Variants in ESRRG observed in about 807,000 individuals in gnomAD.
ESRRG encodes the protein estrogen related receptor gamma.
A neutral mutation model predicts 44.0 loss-of-function variants in ESRRG; 13 were observed. That is an observed-to-expected ratio of 0.30 (90% CI 0.19 to 0.47). The LOEUF (loss-of-function observed/expected upper bound fraction) is 0.47, where lower values mean the gene tolerates loss of function less well. ESRRG is among the 20% of genes least tolerant of loss of function. The pLI is 1.00. For missense variants in ESRRG, 395 were observed against 580.6 expected, an observed-to-expected ratio of 0.68 and a Z score of 3.29; for synonymous variants, 215 against 214.6, an observed-to-expected ratio of 1.00 and a Z score of -0.02.
intron 2 of ESRRG, among the ~76,000 whole-genome samples, chr1:216,748,581 C>A (rs1275133037): frequency 6.6e-6 from 1 of 152,088 alleles, no homozygotes; most frequent in Non-Finnish European, 1.5e-5. Flanking sequence ...CACACAGAAA[C>A]CTCTTATTTC....
intron 1 of ESRRG, among the ~76,000 whole-genome samples, chr1:216,984,003 T>TA (rs2074441143): frequency 7.5e-6 from 1 of 133,342 alleles, no homozygotes; most frequent in African/African-American, 2.8e-5. Context: ...CAGATCTAAA[T>TA]ATAGGGTCAT....
At chr1:216,815,204 G>C (rs1206452766) in intron 2 of ESRRG, among the ~76,000 whole-genome samples, 2 of 152,224 alleles carry the variant, frequency 1.3e-5, no homozygotes, top group African/African-American at 2.4e-5. Flanking sequence ...GAAAATGAGA[G>C]CTTCACTGTG....
rs528962345 is a variant in ESRRG at position 216,778,167 on chromosome 1, T to C, written c.-13-100676A>G. ...AGATTTGTGTGCTGGGGGTGGGGTGTTATTAGAGAGTGCTCCTAAGAACTG... is the reference window on the plus strand; with the variant it reads ...AGATTTGTGTGCTGGGGGTGGGGTGCTATTAGAGAGTGCTCCTAAGAACTG... On this transcript the variant is annotated intron_variant, in intron 2 of 7. Transcript: ENST00000359162. Among the ~76,000 whole-genome samples, 4 of 152,050 alleles carry C rather than the reference T, an allele frequency of 2.6e-5. No individual in the cohort carries two copies. The South Asian group carries it at 8.3e-4, about 32-fold the overall frequency.
intron 2 of ESRRG, among the ~76,000 whole-genome samples, chr1:216,827,006 A>G (rs1486783506): frequency 6.6e-6 from 1 of 152,184 alleles, no homozygotes; most frequent in Non-Finnish European, 1.5e-5. Context: ...AGACATTGAT[A>G]CAGAAGCATT....
rs1277224788 is a variant in ESRRG, at chr1:216,618,204, G to C, written c.589+32769C>G. On this transcript the variant is annotated intron_variant, in intron 3 of 6. Coordinates refer to ENST00000408911, the MANE Select transcript of ESRRG (RefSeq NM_001438.4). The stretch of plus-strand genomic sequence containing the variant: ...AATATCAAAATCACACATTGAATTT[G>C]AGAGTAAAATTACACTTGCCCTCAA... Among the ~76,000 whole-genome samples, 3 of 152,306 alleles carry C rather than the reference G, an allele frequency of 2.0e-5. No homozygotes were observed. The East Asian group carries it at 5.8e-4, about 29-fold the overall frequency.
At chr1:216,714,601 C>G (rs917921082) in intron 1 of ESRRG, 7 of 960,780 alleles carry the variant, frequency 7.3e-6, no homozygotes, top group Non-Finnish European at 8.7e-6. Flanking sequence ...CATTAAAACC[C>G]TCATAAATGC....
chr1:217,050,512 C>T (rs1011436468), intron 1 of ESRRG, among the ~76,000 whole-genome samples: 5 of 152,094 alleles, frequency 3.3e-5, no homozygotes, highest in Non-Finnish European at 7.4e-5. Flanking sequence ...AGAAGCCAAG[C>T]CTCTCCTCCT....
chr1:216,595,945 T>C (rs113914384), intron 3 of ESRRG, among the ~76,000 whole-genome samples: 1 of 152,222 alleles, frequency 6.6e-6, no homozygotes, highest in African/African-American at 2.4e-5. Context: ...TATTGCCATG[T>C]TTCATATGCA....
intron 5 of ESRRG, among the ~76,000 whole-genome samples, chr1:216,529,903 G>A (rs1339376695): frequency 2.0e-5 from 3 of 151,888 alleles, no homozygotes; most frequent in Non-Finnish European, 2.9e-5. Flanking sequence ...CTTGAGGTCA[G>A]GAGCTCGAGA....
chr1:216,795,577 G>C (rs1305784468), intron 2 of ESRRG, among the ~76,000 whole-genome samples: 2 of 151,796 alleles, frequency 1.3e-5, no homozygotes, highest in African/African-American at 4.8e-5. Flanking sequence ...CTGACCTCAA[G>C]TGATCCACCC....
intron 2 of ESRRG, among the ~76,000 whole-genome samples, chr1:216,786,686 C>A (rs768775885): frequency 2.6e-5 from 4 of 152,134 alleles, no homozygotes. Context: ...TATATTACAA[C>A]GAGTACATAT....
At chr1:216,689,244 T>C (rs1206730326) in intron 1 of ESRRG, among the ~76,000 whole-genome samples, 1 of 152,150 alleles carries the variant, frequency 6.6e-6, no homozygotes, top group East Asian at 1.9e-4. Flanking sequence ...CAGGCATCCA[T>C]TACAAAATGC....
At chr1:216,537,216 C>T (rs568284232) in intron 5 of ESRRG, among the ~76,000 whole-genome samples, 7 of 152,040 alleles carry the variant, frequency 4.6e-5, no homozygotes, top group South Asian at 4.2e-4. Context: ...ATGAAAGAGA[C>T]CAGAGAGCTC....
Position 216,677,113 on chromosome 1 carries a change from A to G in ESRRG, c.435T>C (p.Cys145=). ...ASGYHYGVAS[C]EACKAFFKRT... ...TCTTGAAGAATGCCTTGCAGGCTTCACATGATGCTACCCCATAGTGGTACC... is the reference window on the plus strand; with the variant it reads ...TCTTGAAGAATGCCTTGCAGGCTTCGCATGATGCTACCCCATAGTGGTACC... The change falls in exon 2 of 7, where the codon TGT becomes TGC. Residue 145 remains cysteine (C), a synonymous_variant. Coordinates refer to ENST00000408911, the MANE Select transcript of ESRRG (RefSeq NM_001438.4). 6.2e-7 allele frequency: 1 copy of G among 1,614,192 alleles called. No homozygotes were observed. Among genetic ancestry groups the G allele is most frequent in the Non-Finnish European group, 8.5e-7 (1 of 1,180,012 alleles).
chr1:216,584,201 T>C (rs1304679236), intron 3 of ESRRG, among the ~76,000 whole-genome samples: 2 of 152,158 alleles, frequency 1.3e-5, no homozygotes, highest in Non-Finnish European at 2.9e-5. Flanking sequence ...CTAAATTATC[T>C]TTTTTCTAAA....
At chr1:216,764,441 G>C (rs532738405) in intron 2 of ESRRG, among the ~76,000 whole-genome samples, 1 of 151,772 alleles carries the variant, frequency 6.6e-6, no homozygotes, top group Admixed American at 6.6e-5. Context: ...GCTAATTTTT[G>C]TATTTTTAGT....
chr1:216,971,264 A>G (rs1024396072), intron 1 of ESRRG, among the ~76,000 whole-genome samples: 2 of 152,258 alleles, frequency 1.3e-5, no homozygotes, highest in African/African-American at 4.8e-5. Flanking sequence ...AGTGAGATCT[A>G]TAAGAATCAT....
chr1:216,681,957 C>T (rs2077108122), intron 1 of ESRRG: 1 of 152,176 alleles, frequency 6.6e-6, no homozygotes, highest in South Asian at 2.1e-4. Flanking sequence ...CATGCACGTG[C>T]TGATGTTCAA....
chr1:216,781,902 G>A (rs1368985752), intron 2 of ESRRG, among the ~76,000 whole-genome samples: 6 of 152,002 alleles, frequency 3.9e-5, no homozygotes, highest in East Asian at 1.9e-4. Context: ...AAATGCTGGC[G>A]ATTTCAAGGT....
Sources: allele counts gnomAD v4.1 joint callset (sites outside exome capture counted in the v4.1 genomes callset), GRCh38; gene constraint gnomAD v4.1.1; transcripts MANE v1.5; gene names NCBI Gene and HGNC (gene_info 2026-07-23, HGNC 2026-07-21).